Variants in ANXA10 observed in about 807,000 individuals in gnomAD.
The protein encoded by ANXA10 is annexin 14.
A neutral mutation model predicts 53.5 loss-of-function variants in ANXA10; 49 were observed. The observed-to-expected ratio is 0.92, with a 90% CI of 0.73 to 1.16. The LOEUF is 1.16. Ranked by LOEUF, ANXA10 falls within the 50% of genes most tolerant of loss-of-function variation. The pLI is 0.00. For synonymous variants in ANXA10, 131 were observed against 128.9 expected, an observed-to-expected ratio of 1.02 and a Z score of -0.11; for missense variants, 393 against 394.4, an observed-to-expected ratio of 1.00 and a Z score of 0.03.
In ANXA10 at chr4:168,165,327, G is replaced by A. The variant is rs1169342688; in HGVS notation, c.480+1G>A. 3 of 1,541,902 alleles carry A rather than the reference G, an allele frequency of 1.9e-6. No individual in the cohort carries two copies. Among genetic ancestry groups the A allele is most frequent in the Non-Finnish European group, 2.6e-6 (3 of 1,138,164 alleles). The stretch of plus-strand genomic sequence containing the variant: ...AGATACTCTCATGAACTTGGTCCAG[G>A]TATGGCATTCCAAAATTTACATTAC... On this transcript the variant is annotated splice_donor_variant, in intron 6 of 11. Coordinates refer to ENST00000359299, the MANE Select transcript of ANXA10 (RefSeq NM_007193.5). LOFTEE classifies it high-confidence loss of function.
At chr4:168,094,685 AT>A (rs1730514439) in intron 1 of ANXA10, among the ~76,000 whole-genome samples, 1 of 152,110 alleles carries the variant, frequency 6.6e-6, no homozygotes, top group South Asian at 2.1e-4. Context: ...AAGGGTTACC[AT>A]TTTTGAGAAC....
intron 2 of ANXA10, among the ~76,000 whole-genome samples, chr4:168,138,453 C>A (rs928582782): frequency 1.3e-5 from 2 of 150,314 alleles, no homozygotes; most frequent in South Asian, 4.2e-4. Context: ...TATTTGTTTT[C>A]TCTTGTTCTT....
chr4:168,136,596 C>T (rs1731241190), intron 2 of ANXA10, among the ~76,000 whole-genome samples: 1 of 152,200 alleles, frequency 6.6e-6, no homozygotes, highest in Admixed American at 6.5e-5. Flanking sequence ...CCAGGCCACA[C>T]TGATGCAAGA....
At chr4:168,145,925 CT>C (rs35715854) in intron 3 of ANXA10, among the ~76,000 whole-genome samples, 99,287 of 149,116 alleles carry the variant, frequency 0.67, 34,095 homozygotes, top group African/African-American at 0.84. Flanking sequence ...TGTTGAGTGG[CT>C]TTTTTTTTTT....
intron 1 of ANXA10, among the ~76,000 whole-genome samples, chr4:168,101,636 C>T (rs1325080571): frequency 5.9e-5 from 9 of 151,882 alleles, no homozygotes; most frequent in Admixed American, 3.9e-4. Context: ...CATTGAAGAC[C>T]GATATTTAAA....
At chr4:168,134,915 C>G (rs1008187943) in intron 2 of ANXA10, among the ~76,000 whole-genome samples, 1 of 152,182 alleles carries the variant, frequency 6.6e-6, no homozygotes, top group African/African-American at 2.4e-5. Context: ...TTATTCATAG[C>G]CTTCCTGTGA....
chr4:168,156,454 G>A (rs1229575913), intron 3 of ANXA10, among the ~76,000 whole-genome samples: 1 of 50,394 alleles, frequency 2.0e-5, no homozygotes, highest in East Asian at 8.4e-4. Flanking sequence ...TATATATATA[G>A]TAGGTGACCA....
At chr4:168,141,679 T>C (rs1218780240) in intron 3 of ANXA10, among the ~76,000 whole-genome samples, 1 of 151,706 alleles carries the variant, frequency 6.6e-6, no homozygotes, top group Non-Finnish European at 1.5e-5. Flanking sequence ...GAGCAGAGAG[T>C]TTATTTAAAG....
At chr4:168,162,411 A>G (rs1486423301) in intron 3 of ANXA10, 117 bp from the exon 4 acceptor site, 1 of 727,554 alleles carries the variant, frequency 1.4e-6, no homozygotes, top group Non-Finnish European at 2.4e-6. Context: ...CAGACTTGTT[A>G]TGCTGTTATT....
At chr4:168,094,463 T>TG (rs1377374264) in intron 1 of ANXA10, among the ~76,000 whole-genome samples, 1 of 152,162 alleles carries the variant, frequency 6.6e-6, no homozygotes, top group Non-Finnish European at 1.5e-5. Flanking sequence ...CAGAATTTAG[T>TG]GCTAAAAAGG....
At position 168,174,793 on chromosome 4, in the gene ANXA10, G is replaced by A. The variant is rs892068439; in HGVS notation, c.481-2947G>A. ...CAACAGAAAGGATGAAGTGCAGTGT[G>A]GAAGACTGAGACTATAGAAAGAGTT... On this transcript the variant is annotated intron_variant, in intron 6 of 11. Transcript: ENST00000359299. Among the ~76,000 whole-genome samples, 3 of 151,834 alleles carry A rather than the reference G, an allele frequency of 2.0e-5. No individual in the cohort carries two copies. In the East Asian group the frequency reaches 5.8e-4, roughly 29 times the overall value.
At chr4:168,095,414 C>T (rs1274623114) in intron 1 of ANXA10, among the ~76,000 whole-genome samples, 4 of 151,874 alleles carry the variant, frequency 2.6e-5, no homozygotes, top group Admixed American at 6.6e-5. Context: ...TATTTATTGA[C>T]TGACAGAAAA....
intron 9 of ANXA10, among the ~76,000 whole-genome samples, chr4:168,180,420 A>T (rs954781488): frequency 6.6e-6 from 1 of 152,086 alleles, no homozygotes; most frequent in Non-Finnish European, 1.5e-5. Context: ...TCCACTATAG[A>T]CCCCTGCCAC....
At chr4:168,167,777 T>G (rs1420569557) in intron 6 of ANXA10, among the ~76,000 whole-genome samples, 1 of 152,238 alleles carries the variant, frequency 6.6e-6, no homozygotes, top group East Asian at 1.9e-4. Flanking sequence ...TTTGCATCCT[T>G]GCTCCCTCAT....
chr4:168,116,580 A>G (rs1277976635), intron 1 of ANXA10, among the ~76,000 whole-genome samples: 1 of 152,092 alleles, frequency 6.6e-6, no homozygotes, highest in Non-Finnish European at 1.5e-5. Context: ...CCCAAAAAAT[A>G]ACTAGAAGTT....
At chr4:168,150,053 C>T (rs915123247) in intron 3 of ANXA10, among the ~76,000 whole-genome samples, 18 of 152,262 alleles carry the variant, frequency 1.2e-4, no homozygotes, top group Non-Finnish European at 1.9e-4. Flanking sequence ...CTCTACTTTC[C>T]CCAGTCACCT....
intron 6 of ANXA10, among the ~76,000 whole-genome samples, chr4:168,165,570 A>G (rs1731863198): frequency 6.6e-6 from 1 of 152,148 alleles, no homozygotes; most frequent in Admixed American, 6.5e-5. Flanking sequence ...TATTCTAAAG[A>G]GATTATAAAT....
At chr4:168,177,296 C>T (rs968368122) in intron 6 of ANXA10, among the ~76,000 whole-genome samples, 9 of 152,134 alleles carry the variant, frequency 5.9e-5, no homozygotes, top group Non-Finnish European at 1.0e-4. Flanking sequence ...ATTCTCACTG[C>T]ACAAAGTCTG....
At chr4:168,170,907 T>C (rs546046322) in intron 6 of ANXA10, among the ~76,000 whole-genome samples, 12 of 152,134 alleles carry the variant, frequency 7.9e-5, no homozygotes, top group Non-Finnish European at 1.8e-4. Flanking sequence ...AATAATAGTC[T>C]CTTCGAAAAT....
Sources: allele counts gnomAD v4.1 joint callset (sites outside exome capture counted in the v4.1 genomes callset), GRCh38; gene constraint gnomAD v4.1.1; transcripts MANE v1.5; gene names NCBI Gene and HGNC (gene_info 2026-07-23, HGNC 2026-07-21).